The following NKAIN2 variants were observed in gnomAD, a reference collection of about 807,000 sequenced individuals.
NKAIN2 encodes the protein sodium/potassium transporting ATPase interacting 2.
Under a neutral mutation model 32.6 loss-of-function variants are expected in NKAIN2, and 14 were observed. The observed-to-expected ratio is 0.43, with a 90% CI of 0.28 to 0.67. NKAIN2 has a LOEUF of 0.67. NKAIN2 is among the 30% of genes least tolerant of loss of function. The probability of loss-of-function intolerance (pLI) is 0.17; values close to 1 mark genes in which losing one functional copy is unlikely to be tolerated. For synonymous variants in NKAIN2, 80 were observed against 87.2 expected (o/e 0.92, Z 0.46); for missense variants, 198 against 258.3 (o/e 0.77, Z 1.60).
rs1780298899 is a variant in NKAIN2 at position 124,551,847 on chromosome 6, C to T, written c.274-106339C>T. On this transcript the variant is annotated intron_variant, in intron 3 of 6. Transcript: ENST00000368417. The stretch of plus-strand genomic sequence containing the variant: ...GGATGTGGTTTAATTTTTCACTGGT[C>T]AGAGTCATTACTTTGTGAGACATGT... 2.0e-5 allele frequency among the ~76,000 whole-genome samples: 3 copies of T among 152,308 alleles called. No homozygotes were observed. The South Asian group carries it at 6.2e-4, about 32-fold the overall frequency.
chr6:124,452,102 G>C (rs988235150), intron 3 of NKAIN2, among the ~76,000 whole-genome samples: 1 of 151,644 alleles, frequency 6.6e-6, no homozygotes, highest in Non-Finnish European at 1.5e-5. Context: ...GGCTGAGGCA[G>C]GAGGACCACT....
At chr6:124,520,594 G>T (rs1779084124) in intron 3 of NKAIN2, among the ~76,000 whole-genome samples, 1 of 152,164 alleles carries the variant, frequency 6.6e-6, no homozygotes, top group South Asian at 2.1e-4. Context: ...CCAGCTTTAA[G>T]AAGGCACATA....
At chr6:124,577,989 G>A (rs933489432) in intron 3 of NKAIN2, among the ~76,000 whole-genome samples, 1 of 152,150 alleles carries the variant, frequency 6.6e-6, no homozygotes, top group Non-Finnish European at 1.5e-5. Flanking sequence ...TTGAAGTAAA[G>A]TACTTAGTCC....
chr6:124,606,469 A>G (rs543878270), intron 3 of NKAIN2, among the ~76,000 whole-genome samples: 3 of 152,198 alleles, frequency 2.0e-5, no homozygotes, highest in African/African-American at 7.2e-5. Context: ...TTTTTAAAAT[A>G]CAATTGGTAA....
intron 1 of NKAIN2, among the ~76,000 whole-genome samples, chr6:124,122,235 T>A (rs1160719965): frequency 6.6e-6 from 1 of 152,098 alleles, no homozygotes; most frequent in Non-Finnish European, 1.5e-5. Flanking sequence ...TTTACATGTT[T>A]TTTGATATAA....
chr6:124,301,996 G>C (rs118126392), intron 2 of NKAIN2, among the ~76,000 whole-genome samples: 1 of 152,014 alleles, frequency 6.6e-6, no homozygotes, highest in African/African-American at 2.4e-5. Flanking sequence ...TGGTTTAGCT[G>C]TGTCCCGACC....
At chr6:124,338,545 T>C (rs1242063269) in intron 2 of NKAIN2, among the ~76,000 whole-genome samples, 1 of 152,208 alleles carries the variant, frequency 6.6e-6, no homozygotes, top group African/African-American at 2.4e-5. Flanking sequence ...TATATTTTTC[T>C]AGGCGCTTAA....
At chr6:124,471,142 T>G (rs1776956564) in intron 3 of NKAIN2, among the ~76,000 whole-genome samples, 2 of 152,188 alleles carry the variant, frequency 1.3e-5, no homozygotes, top group African/African-American at 2.4e-5. Context: ...TGAAGGATTT[T>G]TGCTTTCCTT....
At chr6:124,444,001 G>C (rs1447532402) in intron 3 of NKAIN2, among the ~76,000 whole-genome samples, 2 of 151,560 alleles carry the variant, frequency 1.3e-5, no homozygotes, top group African/African-American at 4.9e-5. Context: ...GCAGAGTTTT[G>C]GTTTTATAAT....
intron 2 of NKAIN2, among the ~76,000 whole-genome samples, chr6:124,343,272 A>C (rs1475048823): frequency 2.6e-5 from 4 of 152,014 alleles, no homozygotes; most frequent in Admixed American, 1.3e-4. Context: ...GCTATTGTGA[A>C]TAGTGCCGAA....
At chr6:124,373,946 G>A (rs549620441) in intron 3 of NKAIN2, among the ~76,000 whole-genome samples, 5 of 152,212 alleles carry the variant, frequency 3.3e-5, no homozygotes, top group Non-Finnish European at 7.4e-5. Flanking sequence ...AAGACACAGA[G>A]GAGTCCAGGG....
Position 124,731,027 on chromosome 6 carries a change from G to C in NKAIN2, c.475-60312G>C, listed in dbSNP as rs572161484. ...CACAATGAGATACCATCTCACACCA[G>C]GTAGAATGGCAATCATTAAAAAGTC... On this transcript the variant is annotated intron_variant, in intron 4 of 6. Transcript: ENST00000368417. 5.3e-3 allele frequency among the ~76,000 whole-genome samples: 763 copies of C among 145,070 alleles called. 4 individuals carry two copies. Among genetic ancestry groups the C allele is most frequent in the Middle Eastern group, 0.017 (5 of 290 alleles).
At chr6:124,544,328 T>A (rs1780014974) in intron 3 of NKAIN2, among the ~76,000 whole-genome samples, 1 of 149,682 alleles carries the variant, frequency 6.7e-6, no homozygotes, top group African/African-American at 2.5e-5. Flanking sequence ...CCCAACTAGA[T>A]CTCCAACCAC....
At chr6:123,935,212 A>G (rs1290500393) in intron 1 of NKAIN2, among the ~76,000 whole-genome samples, 1 of 149,534 alleles carries the variant, frequency 6.7e-6, no homozygotes, top group African/African-American at 2.4e-5. Flanking sequence ...ATATTTACTT[A>G]ATCTTTCTTG....
intron 3 of NKAIN2, among the ~76,000 whole-genome samples, chr6:124,526,963 T>C (rs981228862): frequency 6.6e-6 from 1 of 152,186 alleles, no homozygotes; most frequent in Admixed American, 6.5e-5. Context: ...GCCTCAGCTA[T>C]TGTAGGAATA....
intron 4 of NKAIN2, among the ~76,000 whole-genome samples, chr6:124,707,202 G>A (rs1433990558): frequency 6.6e-6 from 1 of 152,026 alleles, no homozygotes; most frequent in Non-Finnish European, 1.5e-5. Context: ...AGTATTCCAT[G>A]GTGTATATGT....
At chr6:124,095,840 G>T (rs1784626823) in intron 1 of NKAIN2, among the ~76,000 whole-genome samples, 1 of 152,088 alleles carries the variant, frequency 6.6e-6, no homozygotes, top group Non-Finnish European at 1.5e-5. Flanking sequence ...ACTTTTAAAA[G>T]TACTGTTATA....
At chr6:124,452,410 G>C (rs1776147909) in intron 3 of NKAIN2, among the ~76,000 whole-genome samples, 1 of 151,198 alleles carries the variant, frequency 6.6e-6, no homozygotes, top group South Asian at 2.1e-4. Context: ...CTTCTATTGG[G>C]GTTTATTTTA....
At chr6:123,871,312 C>T (rs1326104101) in intron 1 of NKAIN2, among the ~76,000 whole-genome samples, 1 of 152,082 alleles carries the variant, frequency 6.6e-6, no homozygotes, top group Non-Finnish European at 1.5e-5. Context: ...ACTTCATCCC[C>T]AAAATTCTCC....
Sources: allele counts gnomAD v4.1 joint callset (sites outside exome capture counted in the v4.1 genomes callset), GRCh38; gene constraint gnomAD v4.1.1; transcripts MANE v1.5; gene names NCBI Gene and HGNC (gene_info 2026-07-23, HGNC 2026-07-21).